HSD17B2: variants seen among roughly 807,000 people sequenced by gnomAD.
HSD17B2 encodes 17-beta-hydroxysteroid dehydrogenase type 2.
Under a neutral mutation model 26.9 loss-of-function variants are expected in HSD17B2, and 32 were observed. The ratio of observed to expected loss-of-function variants is 1.19; its 90% CI spans 0.90 to 1.60. The LOEUF (loss-of-function observed/expected upper bound fraction) is 1.60. HSD17B2 is among the 40% of genes most tolerant of loss of function. The pLI is 0.00. For missense variants in HSD17B2, 613 were observed against 468.6 expected, an observed-to-expected ratio of 1.31 and a Z score of -2.85; for synonymous variants, 246 against 186.7, an observed-to-expected ratio of 1.32 and a Z score of -2.59.
chr16:82,097,206 A>ATATGTCTATGTCTATGTC (rs75021219), intron 4 of HSD17B2: 6 of 97,000 alleles, frequency 6.2e-5, no homozygotes, highest in Non-Finnish European at 1.3e-4. Context: ...ATTTCTGTGT[A>ATATGTCTATGTCTATGTC]TATGTCTATG....
chr16:82,094,346 A>G (rs1904777354), intron 4 of HSD17B2: 1 of 152,162 alleles, frequency 6.6e-6, no homozygotes, highest in Non-Finnish European at 1.5e-5. Flanking sequence ...TATTGCTCCA[A>G]TTTATACCTC....
chr16:82,071,479 G>A (rs764411422), intron 3 of HSD17B2: 78 of 369,816 alleles, frequency 2.1e-4, no homozygotes, highest in African/African-American at 3.4e-4. Flanking sequence ...TCAACACTTC[G>A]TCAATTTAAC....
In HSD17B2 at chr16:82,071,088, A is replaced by G. The variant is rs756314669; in HGVS notation, c.625A>G (p.Lys209Glu). The change falls in exon 3 of 5, where the codon AAA (lysine) becomes GAA (glutamate). Residue 209 changes from lysine (K) to glutamate (E), a missense_variant. By Grantham distance (56) the Lys-to-Glu change is moderately conservative. Transcript: ENST00000199936. Reference protein sequence around the residue: ...VTKTFLPLLRKSKGRLVNVSS... With the variant: ...VTKTFLPLLRESKGRLVNVSS... ...AAAGACGTTTTTGCCTCTTCTTAGAAAATCCAAAGGGAGGCTGGTGAATGT... is the reference window on the plus strand; with the variant it reads ...AAAGACGTTTTTGCCTCTTCTTAGAGAATCCAAAGGGAGGCTGGTGAATGT... 3.1e-6 allele frequency: 5 copies of G among 1,614,092 alleles called. No individual in the cohort carries two copies. In the African/African-American group the frequency reaches 5.3e-5, roughly 17 times the overall value.
At chr16:82,051,048 G>A (rs1188357859) in intron 1 of HSD17B2, among the ~76,000 whole-genome samples, 2 of 152,124 alleles carry the variant, frequency 1.3e-5, no homozygotes, top group African/African-American at 4.8e-5. Flanking sequence ...TTCTTGAACA[G>A]GTATTCTCTG....
At chr16:82,087,698 G>C (rs987237420) in intron 3 of HSD17B2, among the ~76,000 whole-genome samples, 3 of 152,128 alleles carry the variant, frequency 2.0e-5, no homozygotes, top group Non-Finnish European at 4.4e-5. Context: ...ACTGCAGACT[G>C]GGTAATTTAT....
At chr16:82,090,258 A>C in intron 3 of HSD17B2, 1 of 895,940 alleles carries the variant, frequency 1.1e-6, no homozygotes, top group Non-Finnish European at 1.3e-6. Context: ...CTAGAAGATC[A>C]GGGCCTGGTC....
At chr16:82,036,320 T>TG (rs1913622898) in intron 1 of HSD17B2, among the ~76,000 whole-genome samples, 2 of 145,782 alleles carry the variant, frequency 1.4e-5, no homozygotes, top group African/African-American at 2.6e-5. Context: ...TTTCCCTTGT[T>TG]TGTGTGTGTG....
At chr16:82,072,972 A>C (rs1181868161) in intron 3 of HSD17B2, among the ~76,000 whole-genome samples, 1 of 152,078 alleles carries the variant, frequency 6.6e-6, no homozygotes, top group East Asian at 1.9e-4. Context: ...GGCTGAGGTG[A>C]ATCTGTTGAG....
chr16:82,093,899 C>T (rs938026692), intron 4 of HSD17B2: 1 of 152,136 alleles, frequency 6.6e-6, no homozygotes, highest in Non-Finnish European at 1.5e-5. Context: ...GGGTTCCTCC[C>T]CCTTTTAGAC....
intron 1 of HSD17B2, among the ~76,000 whole-genome samples, chr16:82,038,046 T>C (rs901737198): frequency 6.6e-6 from 1 of 152,230 alleles, no homozygotes; most frequent in Admixed American, 6.5e-5. Context: ...ACTCATACAA[T>C]AAAAATACTT....
intron 3 of HSD17B2, among the ~76,000 whole-genome samples, chr16:82,081,874 A>G (rs900013157): frequency 6.6e-6 from 1 of 152,222 alleles, no homozygotes. Context: ...GATTAGATAA[A>G]GAAAATGTGG....
At chr16:82,067,765 T>G (rs1302784567) in intron 1 of HSD17B2, among the ~76,000 whole-genome samples, 1 of 152,226 alleles carries the variant, frequency 6.6e-6, no homozygotes, top group African/African-American at 2.4e-5. Context: ...GAGTTTGTAA[T>G]GAATGTTTGA....
At position 82,097,970 on chromosome 16, in the gene HSD17B2, A is replaced by T. The variant is rs1430044747; in HGVS notation, c.803-105A>T. 7 of 1,028,626 alleles carry T rather than the reference A, an allele frequency of 6.8e-6. No homozygotes were observed. In the East Asian group the frequency reaches 1.8e-4, roughly 27 times the overall value. 63.7% of individuals were successfully genotyped at this position (1,028,626 alleles called of 1,614,324 possible). A position where few individuals can be genotyped will look rare whatever the true frequency, so the allele number is the denominator to read the frequency against. ...TAAAAAAATAAAAAAATAAATAAAT[A>T]AACGTCATTTGCAAAGGGCCATCCT... On this transcript the variant is annotated intron_variant, in intron 4 of 4. Coordinates refer to ENST00000199936, the MANE Select transcript of HSD17B2 (RefSeq NM_002153.3).
chr16:82,091,335 G>C, intron 4 of HSD17B2: 1 of 411,632 alleles, frequency 2.4e-6, no homozygotes, highest in Non-Finnish European at 4.6e-6. Context: ...GGGTCCATCA[G>C]TGTCCATGCA....
chr16:82,076,012 T>C (rs1904299346), intron 3 of HSD17B2, among the ~76,000 whole-genome samples: 1 of 151,814 alleles, frequency 6.6e-6, no homozygotes, highest in Non-Finnish European at 1.5e-5. Flanking sequence ...CAACAGCGCA[T>C]TAAAAAGATC....
intron 1 of HSD17B2, among the ~76,000 whole-genome samples, chr16:82,065,397 C>A (rs943819954): frequency 6.6e-6 from 1 of 152,164 alleles, no homozygotes; most frequent in Admixed American, 6.5e-5. Context: ...CACTGCAGAA[C>A]AGTTTTCTTC....
At chr16:82,053,575 C>T (rs549382664) in intron 1 of HSD17B2, among the ~76,000 whole-genome samples, 1 of 152,276 alleles carries the variant, frequency 6.6e-6, no homozygotes, top group African/African-American at 2.4e-5. Flanking sequence ...CTCCACTAGA[C>T]TGTAAGACCT....
intron 1 of HSD17B2, among the ~76,000 whole-genome samples, chr16:82,058,557 T>G (rs892617305): frequency 1.3e-5 from 2 of 152,142 alleles, no homozygotes; most frequent in African/African-American, 2.4e-5. Flanking sequence ...GCTCTCAAAC[T>G]TTTTGGACTT....
At chr16:82,095,270 A>G (rs544441340) in intron 4 of HSD17B2, 2 of 152,338 alleles carry the variant, frequency 1.3e-5, no homozygotes, top group East Asian at 3.9e-4. Context: ...TGTCATGATA[A>G]TCATTTCTTT....
Sources: gnomAD v4.1 joint callset for allele counts (sites outside exome capture counted in the v4.1 genomes callset) on GRCh38, gnomAD v4.1.1 for gene constraint, MANE v1.5 for transcripts, NCBI Gene and HGNC (gene_info 2026-07-23, HGNC 2026-07-21) for gene names.